Variants in RGS7 observed in about 807,000 individuals in gnomAD.
RGS7 encodes regulator of G protein signaling 7, also known as regulator of G-protein signaling 7.
In RGS7, 27 loss-of-function variants were observed where a neutral mutation model predicts 81.1. The observed-to-expected ratio is 0.33, with a 90% confidence interval of 0.25 to 0.46. The LOEUF is 0.46. Ranked by LOEUF, RGS7 falls within the 20% of genes least tolerant of loss-of-function variation. RGS7 has a pLI of 1.00. For synonymous variants in RGS7, 208 were observed against 207.7 expected, an observed-to-expected ratio of 1.00 and a Z score of -0.01; for missense variants, 396 against 607.4, an observed-to-expected ratio of 0.65 and a Z score of 3.66.
intron 2 of RGS7, among the ~76,000 whole-genome samples, chr1:241,212,739 G>A (rs2074317834): frequency 6.6e-6 from 1 of 152,178 alleles, no homozygotes; most frequent in Non-Finnish European, 1.5e-5. Context: ...CCAGCAGGGT[G>A]TCCTCTACAT....
At chr1:241,009,976 T>C (rs183260886) in intron 3 of RGS7, among the ~76,000 whole-genome samples, 375 of 151,506 alleles carry the variant, frequency 2.5e-3, no homozygotes, top group Non-Finnish European at 2.1e-3. Context: ...TAGGTGGGAG[T>C]TGAACAATGA....
chr1:241,238,041 C>A (rs1485707399), intron 2 of RGS7, among the ~76,000 whole-genome samples: 2 of 152,178 alleles, frequency 1.3e-5, no homozygotes, highest in Non-Finnish European at 2.9e-5. Context: ...CTTGCTTCCT[C>A]TGCTCCTCTC....
At chr1:241,196,424 T>C (rs2073077058) in intron 2 of RGS7, among the ~76,000 whole-genome samples, 1 of 151,652 alleles carries the variant, frequency 6.6e-6, no homozygotes, top group Admixed American at 6.6e-5. Flanking sequence ...TCAGAGAGCA[T>C]GGAGAAAAAC....
At chr1:241,259,667 A>AAAAAAAAAAAAAAAAAAAAAAAAAT in intron 2 of RGS7, among the ~76,000 whole-genome samples, 19 of 49,126 alleles carry the variant, frequency 3.9e-4, no homozygotes, top group Non-Finnish European at 5.8e-4. Flanking sequence ...AAAAAAAAAA[A>AAAAAAAAAAAAAAAAAAAAAAAAAT]ATATATATAT....
chr1:241,082,303 G>T (rs1250269347), intron 3 of RGS7, among the ~76,000 whole-genome samples: 1 of 152,160 alleles, frequency 6.6e-6, no homozygotes, highest in Non-Finnish European at 1.5e-5. Flanking sequence ...AAATTCACAT[G>T]TTCAGAAGGC....
At chr1:241,151,571 T>TA (rs1269658894) in intron 2 of RGS7, among the ~76,000 whole-genome samples, 1 of 146,850 alleles carries the variant, frequency 6.8e-6, no homozygotes, top group East Asian at 1.9e-4. Context: ...AACTCTTTTT[T>TA]TTTTTTTTTT....
At chr1:241,142,164 A>G (rs933129426) in intron 2 of RGS7, among the ~76,000 whole-genome samples, 4 of 152,062 alleles carry the variant, frequency 2.6e-5, no homozygotes. Flanking sequence ...GCAGGGTACA[A>G]CCTCCCTCCT....
Position 241,056,431 on chromosome 1 carries a change from C to T in RGS7, c.175+42235G>A, listed in dbSNP as rs144257355. 9.2e-5 allele frequency among the ~76,000 whole-genome samples: 14 copies of T among 152,262 alleles called. No homozygotes were observed. In the East Asian group the frequency reaches 1.7e-3, roughly 19 times the overall value. On this transcript the variant is annotated intron_variant, in intron 3 of 18. Transcript: ENST00000440928. ...TTTTTGTGTGTGCCTTTATTTTCTACGTATTTCTCTTAGAATGTAAACCTC... is the reference window on the plus strand; with the variant it reads ...TTTTTGTGTGTGCCTTTATTTTCTATGTATTTCTCTTAGAATGTAAACCTC...
intron 3 of RGS7, among the ~76,000 whole-genome samples, chr1:241,022,978 T>C (rs182643194): frequency 6.6e-6 from 1 of 152,078 alleles, no homozygotes; most frequent in East Asian, 1.9e-4. Flanking sequence ...ACAACTATTG[T>C]TGTTAAAATG....
At chr1:241,243,162 A>T (rs2076344778) in intron 2 of RGS7, among the ~76,000 whole-genome samples, 1 of 152,214 alleles carries the variant, frequency 6.6e-6, no homozygotes, top group Non-Finnish European at 1.5e-5. Flanking sequence ...AGCAGAATTG[A>T]TGAGTGTCAC....
intron 9 of RGS7, among the ~76,000 whole-genome samples, chr1:240,855,309 A>AAAAAG (rs1491577002): frequency 1.3e-4 from 2 of 15,016 alleles, no homozygotes; most frequent in African/African-American, 1.5e-4. Flanking sequence ...ACCATGTCTC[A>AAAAAG]AAAAAAAAAA....
chr1:240,884,683 C>A (rs561764031), intron 6 of RGS7, among the ~76,000 whole-genome samples: 1 of 152,084 alleles, frequency 6.6e-6, no homozygotes, highest in South Asian at 2.1e-4. Flanking sequence ...ATAAATGGTG[C>A]GGGATAACTG....
intron 2 of RGS7, among the ~76,000 whole-genome samples, chr1:241,301,496 G>A (rs1367088131): frequency 2.0e-5 from 3 of 152,170 alleles, no homozygotes; most frequent in South Asian, 2.1e-4. Context: ...ATGGTTAAGG[G>A]TTATGGAGGT....
intron 16 of RGS7, 149 bp downstream of exon 16, chr1:240,802,755 C>T: frequency 1.5e-6 from 1 of 673,574 alleles, no homozygotes; most frequent in Middle Eastern, 3.8e-4. Context: ...ACTTAAATGG[C>T]CCTTATAAAA....
intron 2 of RGS7, among the ~76,000 whole-genome samples, chr1:241,323,220 T>C (rs1164477265): frequency 6.6e-6 from 1 of 152,376 alleles, no homozygotes; most frequent in East Asian, 1.9e-4. Context: ...AATATGTTTT[T>C]GTGGCTATAA....
At chr1:240,855,686 C>A (rs529669107) in intron 9 of RGS7, among the ~76,000 whole-genome samples, 1 of 152,058 alleles carries the variant, frequency 6.6e-6, no homozygotes. Flanking sequence ...ATGTTAGCTA[C>A]CCTATGTTTA....
intron 6 of RGS7, among the ~76,000 whole-genome samples, chr1:240,927,447 C>G (rs1674651183): frequency 6.6e-6 from 1 of 152,198 alleles, no homozygotes; most frequent in Admixed American, 6.5e-5. Flanking sequence ...TAAGTAGTTA[C>G]TGTGCTTTGG....
At chr1:240,982,829 G>A (rs113576521) in intron 4 of RGS7, among the ~76,000 whole-genome samples, 2 of 152,062 alleles carry the variant, frequency 1.3e-5, no homozygotes, top group Admixed American at 6.5e-5. Flanking sequence ...CCAGTCTAAC[G>A]ATCACCGATG....
chr1:240,839,456 T>C (rs1695255346), intron 9 of RGS7, among the ~76,000 whole-genome samples: 1 of 152,192 alleles, frequency 6.6e-6, no homozygotes, highest in South Asian at 2.1e-4. Flanking sequence ...GTCTCAAAAC[T>C]GTAACAAATA....
Sources: gnomAD v4.1 joint callset for allele counts (sites outside exome capture counted in the v4.1 genomes callset) on GRCh38, gnomAD v4.1.1 for gene constraint, MANE v1.5 for transcripts, NCBI Gene and HGNC (gene_info 2026-07-23, HGNC 2026-07-21) for gene names.